The following ARHGEF38 variants were observed in gnomAD, a reference collection of about 807,000 sequenced individuals.
ARHGEF38 encodes Rho guanine nucleotide exchange factor 38, also known as Rho guanine nucleotide exchange factor (GEF) 38.
Under a neutral mutation model 79.9 loss-of-function variants are expected in ARHGEF38, and 79 were observed. The ratio of observed to expected loss-of-function variants is 0.99; its 90% CI spans 0.82 to 1.19. The LOEUF is 1.19. Among genes scored for constraint, ARHGEF38 ranks in the 50% most tolerant of loss-of-function variants. The pLI is 0.00. For synonymous variants in ARHGEF38, 366 were observed against 328.3 expected (o/e 1.11, Z -1.24); for missense variants, 962 against 907.2 (o/e 1.06, Z -0.78).
chr4:105,563,950 A>G (rs1170238973), intron 1 of ARHGEF38, among the ~76,000 whole-genome samples: 1 of 152,228 alleles, frequency 6.6e-6, no homozygotes, highest in Non-Finnish European at 1.5e-5. Flanking sequence ...TGCTCTAAAA[A>G]TACAAAACTG....
At chr4:105,666,815 G>A (rs1206279763) in intron 11 of ARHGEF38, among the ~76,000 whole-genome samples, 1 of 152,150 alleles carries the variant, frequency 6.6e-6, no homozygotes, top group South Asian at 2.1e-4. Flanking sequence ...ATATGCAACG[G>A]GTTGTCTGCA....
intron 2 of ARHGEF38, among the ~76,000 whole-genome samples, chr4:105,592,012 A>G (rs73837037): frequency 0.011 from 1,640 of 152,298 alleles, 29 homozygotes; most frequent in African/African-American, 0.037. Flanking sequence ...GTTCATTTAC[A>G]TACTTATTCA....
intron 1 of ARHGEF38, among the ~76,000 whole-genome samples, chr4:105,585,689 A>G (rs1237136321): frequency 7.2e-6 from 1 of 138,756 alleles, no homozygotes; most frequent in African/African-American, 2.7e-5. Context: ...TATTCTTAAA[A>G]CAATTTTTCC....
chr4:105,581,772 A>G (rs910922090), intron 1 of ARHGEF38, among the ~76,000 whole-genome samples: 3 of 152,142 alleles, frequency 2.0e-5, no homozygotes, highest in African/African-American at 7.2e-5. Context: ...TAATTTCAGT[A>G]ACTTAAGACT....
intron 10 of ARHGEF38, among the ~76,000 whole-genome samples, chr4:105,662,302 A>G (rs1397937629): frequency 6.6e-6 from 1 of 152,038 alleles, no homozygotes; most frequent in Non-Finnish European, 1.5e-5. Flanking sequence ...TGCTAGGGAG[A>G]TGAGCCTTTT....
intron 3 of ARHGEF38, among the ~76,000 whole-genome samples, chr4:105,628,449 T>C (rs1421132026): frequency 2.0e-5 from 3 of 152,226 alleles, no homozygotes; most frequent in African/African-American, 7.2e-5. Context: ...GGAGGCTCCC[T>C]TCCCTAAATT....
chr4:105,602,924 C>T (rs746549536), intron 2 of ARHGEF38, among the ~76,000 whole-genome samples: 1 of 152,142 alleles, frequency 6.6e-6, no homozygotes, highest in African/African-American at 2.4e-5. Context: ...CTTCCTTATC[C>T]TTATTGTCTG....
Position 105,655,686 on chromosome 4 carries a change from G to A in ARHGEF38, c.1197G>A (p.Glu399=). Residue 399 remains glutamate (E), a synonymous_variant, in exon 9 of 14, where the codon GAG becomes GAA. Coordinates refer to ENST00000420470, the MANE Select transcript of ARHGEF38 (RefSeq NM_001242729.2). ...YNKDDEMDYS[E]TLSNALNSCH... ...AAGACGATGAGATGGACTATTCTGA[G>A]ACCCTAAGTAATGCCTTAAATTCGT... 1 of 1,535,674 alleles carries A rather than the reference G, an allele frequency of 6.5e-7. No homozygotes were observed.
chr4:105,666,785 T>C lies in ARHGEF38; in HGVS notation c.1690-344T>C, dbSNP rs576968095. The stretch of plus-strand genomic sequence containing the variant: ...CAGATAAAGACATGTACATGTACAA[T>C]TTACTTAGCTGAATACTTAATATGC... On this transcript the variant is annotated intron_variant, in intron 11 of 13. Transcript: ENST00000420470. Among the ~76,000 whole-genome samples, 6 of 152,306 alleles carry C rather than the reference T, an allele frequency of 3.9e-5. No individual in the cohort carries two copies. The East Asian group carries it at 7.7e-4, about 20-fold the overall frequency.
intron 1 of ARHGEF38, among the ~76,000 whole-genome samples, chr4:105,576,410 T>C (rs961554492): frequency 1.4e-5 from 2 of 144,854 alleles, no homozygotes; most frequent in South Asian, 2.1e-4. Context: ...TTTTCTTCTT[T>C]TTTTTTTTTT....
chr4:105,630,535 C>G (rs934349344), intron 3 of ARHGEF38, among the ~76,000 whole-genome samples: 7 of 152,206 alleles, frequency 4.6e-5, no homozygotes, highest in African/African-American at 7.2e-5. Flanking sequence ...AGCCACTGCA[C>G]CTGGCCACAC....
downstream of ARHGEF38, among the ~76,000 whole-genome samples, chr4:105,682,112 C>G (rs987969690): frequency 4.6e-5 from 7 of 151,890 alleles, no homozygotes; most frequent in Non-Finnish European, 1.0e-4. Flanking sequence ...TATTAAGCAC[C>G]AGGAGAGTTC....
At chr4:105,614,369 C>T (rs983289871) in intron 3 of ARHGEF38, among the ~76,000 whole-genome samples, 14 of 152,242 alleles carry the variant, frequency 9.2e-5, no homozygotes, top group Admixed American at 7.2e-4. Flanking sequence ...ACTGCCTTCC[C>T]CACAAGTAAC....
chr4:105,648,534 A>T lies in ARHGEF38; in HGVS notation c.875-15A>T. 6.7e-7 allele frequency: 1 copy of T among 1,492,870 alleles called. No individual in the cohort carries two copies. The highest frequency in any genetic ancestry group is 1.7e-4 in the Middle Eastern group (1 of 5,742). The allele number at this position is 1,492,870 out of a possible 1,614,324, so 92.5% of individuals were successfully genotyped here. On this transcript the variant is annotated splice_polypyrimidine_tract_variant and intron_variant, in intron 6 of 13. Coordinates refer to ENST00000420470, the MANE Select transcript of ARHGEF38 (RefSeq NM_001242729.2). Reference sequence around the variant, plus strand: ...TGCATGTGTTCAGCTACGTTATTACATTCTTCCTTTTCAGTTCTAAAATAC... The same window carrying T: ...TGCATGTGTTCAGCTACGTTATTACTTTCTTCCTTTTCAGTTCTAAAATAC...
downstream of ARHGEF38, chr4:105,682,501 T>C (rs1731345393): frequency 9.3e-6 from 4 of 428,062 alleles, no homozygotes; most frequent in African/African-American, 2.0e-5. Flanking sequence ...GAACCAGTCA[T>C]TCTAATCATT....
At chr4:105,581,845 G>A (rs532097277) in intron 1 of ARHGEF38, among the ~76,000 whole-genome samples, 40 of 151,924 alleles carry the variant, frequency 2.6e-4, no homozygotes, top group African/African-American at 8.7e-4. Flanking sequence ...TCGTGTTTCC[G>A]TGTGTGTTTT....
downstream of ARHGEF38, among the ~76,000 whole-genome samples, chr4:105,681,329 T>C (rs1731304031): frequency 6.6e-6 from 1 of 151,966 alleles, no homozygotes; most frequent in Non-Finnish European, 1.5e-5. Flanking sequence ...AGCTTTGTGT[T>C]TACAGAGATC....
At chr4:105,561,429 A>AATGGAATGGAATGGAATGGAATG (rs1560684337) in intron 1 of ARHGEF38, among the ~76,000 whole-genome samples, 4 of 47,124 alleles carry the variant, frequency 8.5e-5, no homozygotes, top group Non-Finnish European at 1.2e-4. Context: ...AGAATGGAAT[A>AATGGAATGGAATGGAATGGAATG]GAATAGAATA....
intron 3 of ARHGEF38, among the ~76,000 whole-genome samples, chr4:105,627,053 A>G (rs1009218443): frequency 6.6e-6 from 1 of 152,168 alleles, no homozygotes; most frequent in South Asian, 2.1e-4. Flanking sequence ...TACTTTTCAC[A>G]TAGTATGGTA....
Sources: allele counts gnomAD v4.1 joint callset (sites outside exome capture counted in the v4.1 genomes callset), GRCh38; gene constraint gnomAD v4.1.1; transcripts MANE v1.5; gene names NCBI Gene and HGNC (gene_info 2026-07-23, HGNC 2026-07-21).